ZBTB10: variants seen among roughly 807,000 people sequenced by gnomAD.
ZBTB10 encodes zinc finger and BTB domain-containing protein 10.
Under a neutral mutation model 76.4 loss-of-function variants are expected in ZBTB10, and 32 were observed. The ratio of observed to expected loss-of-function variants is 0.42; its 90% CI spans 0.32 to 0.56. ZBTB10 has a LOEUF of 0.56. ZBTB10 is among the 20% of genes least tolerant of loss of function. The pLI, the probability that ZBTB10 is intolerant of heterozygous loss-of-function variation, is 0.14. For synonymous variants in ZBTB10, 523 were observed against 432.9 expected (o/e 1.21, Z -2.58); for missense variants, 1,057 against 1,098.5 (o/e 0.96, Z 0.53).
intron 2 of ZBTB10, among the ~76,000 whole-genome samples, chr8:80,506,568 C>A (rs1448154485): frequency 2.3e-5 from 3 of 129,922 alleles, no homozygotes; most frequent in South Asian, 2.7e-4. Context: ...ATCCACCCCC[C>A]CCCCAACCCC....
intron 1 of ZBTB10, among the ~76,000 whole-genome samples, chr8:80,499,187 GCT>G (rs1178812725): frequency 6.6e-6 from 1 of 151,986 alleles, no homozygotes; most frequent in Admixed American, 6.6e-5. Flanking sequence ...GAAAATAATT[GCT>G]CTTTTTAATT....
chr8:80,486,304 G>A lies in ZBTB10; in HGVS notation c.-507G>A. 9.9e-7 allele frequency: 1 copy of A among 1,009,840 alleles called. No individual in the cohort carries two copies. Among genetic ancestry groups the A allele is most frequent in the Middle Eastern group, 4.9e-4 (1 of 2,046 alleles). 62.6% of individuals were successfully genotyped at this position (1,009,840 alleles called of 1,614,324 possible). A position where few individuals can be genotyped will look rare whatever the true frequency, so the allele number is the denominator to read the frequency against. On this transcript the variant is annotated 5_prime_UTR_variant, in exon 1 of 6. Transcript: ENST00000455036. ...TTTATTGTCGCTTCGTTATGTGGCG[G>A]AGCCGAGCAGTTTAGCGTGCCTCTC...
At chr8:80,488,394 T>TA (rs1815538943) in intron 1 of ZBTB10, among the ~76,000 whole-genome samples, 1 of 152,258 alleles carries the variant, frequency 6.6e-6, no homozygotes, top group Non-Finnish European at 1.5e-5. Flanking sequence ...TGAACTTTCT[T>TA]ACTACGGCTT....
At chr8:80,492,936 G>A (rs910739128) in intron 1 of ZBTB10, among the ~76,000 whole-genome samples, 1 of 151,990 alleles carries the variant, frequency 6.6e-6, no homozygotes, top group South Asian at 2.1e-4. Flanking sequence ...GGAGCCAGGC[G>A]CAGTGAGTGG....
chr8:80,512,676 C>T lies in ZBTB10; in HGVS notation c.1862-1234C>T, dbSNP rs372112543. 1.2e-4 allele frequency among the ~76,000 whole-genome samples: 18 copies of T among 152,238 alleles called. No homozygotes were observed. The South Asian group carries it at 3.5e-3, about 30-fold the overall frequency. On this transcript the variant is annotated intron_variant, in intron 2 of 5. Transcript: ENST00000455036. Reference sequence around the variant, plus strand: ...GCAGTGAGCTGAGATCGTGCCACTGCACTCCAGCCTGGGTGACAGAGGGAG... The same window carrying T: ...GCAGTGAGCTGAGATCGTGCCACTGTACTCCAGCCTGGGTGACAGAGGGAG...
upstream of ZBTB10, chr8:80,485,781 CA>C: frequency 6.5e-7 from 1 of 1,534,636 alleles, no homozygotes. Context: ...CCACCCTCAG[CA>C]AATGACAAGG....
At chr8:80,517,931 T>G (rs1816370003) in intron 3 of ZBTB10, among the ~76,000 whole-genome samples, 1 of 134,542 alleles carries the variant, frequency 7.4e-6, no homozygotes, top group Admixed American at 8.6e-5. Context: ...CTGGCTGGAG[T>G]GCAGTGGCGC....
At chr8:80,488,663 T>C (rs1424458474) in intron 1 of ZBTB10, among the ~76,000 whole-genome samples, 1 of 152,246 alleles carries the variant, frequency 6.6e-6, no homozygotes, top group Non-Finnish European at 1.5e-5. Context: ...TTAGTCCTTG[T>C]TTTAACATTT....
At chr8:80,502,206 G>A (rs1333676779) in intron 2 of ZBTB10, among the ~76,000 whole-genome samples, 2 of 152,204 alleles carry the variant, frequency 1.3e-5, no homozygotes, top group East Asian at 3.9e-4. Context: ...AAATTAATTG[G>A]TGGTCTAATA....
In ZBTB10 at chr8:80,525,184, A is replaced by T. The variant is rs1411410957; in HGVS notation, c.*5656A>T. 6.6e-6 allele frequency: 1 copy of T among 152,026 alleles called. No homozygotes were observed. The highest frequency in any genetic ancestry group is 1.5e-5 in the Non-Finnish European group (1 of 67,944). 9.4% of individuals were successfully genotyped at this position (152,026 alleles called of 1,614,324 possible). On this transcript the variant is annotated 3_prime_UTR_variant, in exon 6 of 6. Transcript: ENST00000455036. Reference sequence around the variant, plus strand: ...CCAGTGTTTGGGAGCAGGTGTAGGAAATTGAATTATTGGATCTATGTTTAG... The same window carrying T: ...CCAGTGTTTGGGAGCAGGTGTAGGATATTGAATTATTGGATCTATGTTTAG...
At position 80,487,235 on chromosome 8, in the gene ZBTB10, G is replaced by T. The variant is rs998504098; in HGVS notation, c.425G>T (p.Arg142Leu). Residue 142 changes from arginine (R) to leucine (L), a missense_variant, in exon 1 of 6, where the codon CGC becomes CTC. This residue lies in a region of ZBTB10 where 556 missense variants were observed against 451.7 expected (regional missense o/e 1.23). Coordinates refer to ENST00000455036, the MANE Select transcript of ZBTB10 (RefSeq NM_001105539.3). ...GGCAACAATGGCAGTAGCCGCGGCCGCCCCGAGACCTCGGTGTGGCCCTTG... is the reference window on the plus strand; with the variant it reads ...GGCAACAATGGCAGTAGCCGCGGCCTCCCCGAGACCTCGGTGTGGCCCTTG... Reference protein sequence around the residue: ...GLGNNGSSRGRPETSVWPLRH... With the variant: ...GLGNNGSSRGLPETSVWPLRH... 1.9e-6 allele frequency: 3 copies of T among 1,547,686 alleles called. No homozygotes were observed. The highest frequency in any genetic ancestry group is 2.6e-6 in the Non-Finnish European group (3 of 1,148,638).
At position 80,487,153 on chromosome 8, in the gene ZBTB10, C is replaced by T. The variant is rs1217191258; in HGVS notation, c.343C>T (p.Leu115=). The change falls in exon 1 of 6, where the codon CTA becomes TTA. Residue 115 remains leucine, a synonymous_variant. Transcript: ENST00000455036. ...TGGCGGTGGCGCGGGGGGCCCCCTG[C>T]TAGCGGAAAGGAACCGTCGGACTCT... ...SLGGGAGGPL[L]AERNRRTLAF... The T allele has an allele frequency of 4.0e-6, 6 of 1,516,292 alleles. No individual in the cohort carries two copies. Among genetic ancestry groups the T allele is most frequent in the African/African-American group, 1.4e-5 (1 of 70,422 alleles). 93.9% of individuals were successfully genotyped at this position (1,516,292 alleles called of 1,614,324 possible).
chr8:80,510,708 G>A (rs531787908), intron 2 of ZBTB10, among the ~76,000 whole-genome samples: 1 of 151,622 alleles, frequency 6.6e-6, no homozygotes, highest in Non-Finnish European at 1.5e-5. Context: ...TGAGAAGAGG[G>A]GAAAGGAAAC....
rs757727775 is a variant in ZBTB10 at position 80,521,701 on chromosome 8, TTATG to T, written c.*2177_*2180del. On this transcript the variant is annotated 3_prime_UTR_variant, in exon 6 of 6. Transcript: ENST00000455036. The stretch of plus-strand genomic sequence containing the variant: ...AATTTTCTTTTACTACTTAAATCAT[TTATG>T]TATATCTGGTAAATTATGACCAAAT... 1 of 151,816 alleles carries T rather than the reference TTATG, an allele frequency of 6.6e-6. No homozygotes were observed. The highest frequency in any genetic ancestry group is 2.4e-5 in the African/African-American group (1 of 41,430). The allele number at this position is 151,816 out of a possible 1,614,324, so 9.4% of individuals were successfully genotyped here.
chr8:80,505,808 A>G (rs1342186944), intron 2 of ZBTB10, among the ~76,000 whole-genome samples: 1 of 151,974 alleles, frequency 6.6e-6, no homozygotes, highest in East Asian at 1.9e-4. Flanking sequence ...TGGCTTACAG[A>G]AACCTCAACC....
At chr8:80,509,626 C>T (rs1016482399) in intron 2 of ZBTB10, among the ~76,000 whole-genome samples, 1 of 151,942 alleles carries the variant, frequency 6.6e-6, no homozygotes, top group African/African-American at 2.4e-5. Context: ...TTAATGATAC[C>T]TTGTTTTGTC....
chr8:80,487,748 C>A lies in ZBTB10; in HGVS notation c.938C>A (p.Ser313Tyr). Residue 313 changes from serine to tyrosine, a missense_variant, in exon 1 of 6, where the codon TCT (serine) becomes TAT (tyrosine). Transcript: ENST00000455036. ...ACCCTCCTCCTGAGGCACCACGTCT[C>A]TACCGAGCACAAACTCCACGAAGCC... ...KKTLLLRHHV[S>Y]TEHKLHEANA... 6.2e-7 allele frequency: 1 copy of A among 1,607,464 alleles called. No individual in the cohort carries two copies. The highest frequency in any genetic ancestry group is 8.5e-7 in the Non-Finnish European group (1 of 1,176,838).
intron 2 of ZBTB10, among the ~76,000 whole-genome samples, chr8:80,503,749 C>G (rs1000848921): frequency 3.3e-5 from 5 of 152,142 alleles, no homozygotes; most frequent in Non-Finnish European, 7.4e-5. Context: ...CTCAAAAACT[C>G]CTGACCACAA....
At position 80,525,947 on chromosome 8, in the gene ZBTB10, C is replaced by T. The variant is rs999994741; in HGVS notation, c.*6419C>T. ...GGTGTCACACTGAGCCTTTGGGATC[C>T]TTTCCCTGGATACATAACCCTAGTA... On this transcript the variant is annotated 3_prime_UTR_variant, in exon 6 of 6. Coordinates refer to ENST00000455036, the MANE Select transcript of ZBTB10 (RefSeq NM_001105539.3). The T allele has an allele frequency of 1.3e-5, 2 of 152,150 alleles. No homozygotes were observed. Among genetic ancestry groups the T allele is most frequent in the Non-Finnish European group, 2.9e-5 (2 of 68,026 alleles). The allele number at this position is 152,150 out of a possible 1,614,324, so 9.4% of individuals were successfully genotyped here. A position where few individuals can be genotyped will look rare whatever the true frequency, so the allele number is the denominator to read the frequency against.
Sources: allele counts gnomAD v4.1 joint callset (sites outside exome capture counted in the v4.1 genomes callset), GRCh38; gene constraint gnomAD v4.1.1; regional missense constraint gnomAD v4.1.1; transcripts MANE v1.5; gene names NCBI Gene and HGNC (gene_info 2026-07-23, HGNC 2026-07-21).